The following DSCAM variants were observed in gnomAD, a reference collection of about 807,000 sequenced individuals.
The protein encoded by DSCAM is DS cell adhesion molecule.
In DSCAM, 47 loss-of-function variants were observed where a neutral mutation model predicts 217.7. The ratio of observed to expected loss-of-function variants is 0.22; its 90% CI spans 0.17 to 0.28. The LOEUF is 0.28. Ranked by LOEUF, DSCAM falls within the 10% of genes least tolerant of loss-of-function variation. The pLI is 1.00. For synonymous variants in DSCAM, 1,056 were observed against 1,015.3 expected (o/e 1.04, Z -0.76); for missense variants, 2,080 against 2,618.3 (o/e 0.79, Z 4.49).
intron 11 of DSCAM, among the ~76,000 whole-genome samples, chr21:40,255,374 A>T (rs978921630): frequency 1.3e-5 from 2 of 152,226 alleles, no homozygotes; most frequent in Non-Finnish European, 2.9e-5. Context: ...GAGTCTATAA[A>T]AGACTTAAAG....
rs140430835 is a variant in DSCAM at position 40,844,792 on chromosome 21, C to T, written c.43+1827G>A. ...ATCAGTATCATAAATTCTTCCATAC[C>T]ATTTTGTCATACAAAATGCTAAAAC... is the stretch of plus-strand genomic sequence containing the variant. On this transcript the variant is annotated intron_variant, in intron 1 of 32. Transcript: ENST00000400454. 5.2e-3 allele frequency among the ~76,000 whole-genome samples: 783 copies of T among 151,610 alleles called. 4 individuals are homozygous for T. Among genetic ancestry groups the T allele is most frequent in the Non-Finnish European group, 7.3e-3 (498 of 67,994 alleles).
intron 26 of DSCAM, among the ~76,000 whole-genome samples, chr21:40,078,173 C>T (rs896096703): frequency 2.0e-5 from 3 of 152,176 alleles, no homozygotes; most frequent in East Asian, 3.9e-4. Context: ...TGTGTGTGCA[C>T]GTGTTCATGG....
chr21:40,603,594 G>T (rs1568932373), intron 3 of DSCAM, among the ~76,000 whole-genome samples: 1 of 152,050 alleles, frequency 6.6e-6, no homozygotes, highest in Non-Finnish European at 1.5e-5. Flanking sequence ...AAATGTTAAA[G>T]GCAGGTTTAC....
chr21:40,077,625 C>T (rs2089385415), intron 26 of DSCAM, among the ~76,000 whole-genome samples: 1 of 152,188 alleles, frequency 6.6e-6, no homozygotes, highest in East Asian at 1.9e-4. Flanking sequence ...CATGGGCTGC[C>T]TCTGTCTAAT....
At chr21:40,170,793 C>T in intron 15 of DSCAM, among the ~76,000 whole-genome samples, 1 of 152,266 alleles carries the variant, frequency 6.6e-6, no homozygotes, top group Non-Finnish European at 1.5e-5. Context: ...TTACACTTAA[C>T]TGAATTTGAC....
chr21:40,811,011 T>C (rs1334439519), intron 1 of DSCAM, among the ~76,000 whole-genome samples: 1 of 152,184 alleles, frequency 6.6e-6, no homozygotes, highest in Non-Finnish European at 1.5e-5. Context: ...AGATACTCAG[T>C]GAAGGGCTAT....
intron 3 of DSCAM, among the ~76,000 whole-genome samples, chr21:40,433,546 G>T (rs576983309): frequency 1.4e-4 from 21 of 152,258 alleles, no homozygotes; most frequent in Admixed American, 1.1e-3. Flanking sequence ...GAAAACAAAA[G>T]CTTGGAGAGA....
chr21:40,743,570 G>A (rs1312066518), intron 1 of DSCAM, among the ~76,000 whole-genome samples: 1 of 151,968 alleles, frequency 6.6e-6, no homozygotes, highest in Non-Finnish European at 1.5e-5. Context: ...ATGCAGTGAG[G>A]ATCTGCTTAT....
At chr21:40,617,314 C>T (rs925686408) in intron 3 of DSCAM, among the ~76,000 whole-genome samples, 1 of 151,692 alleles carries the variant, frequency 6.6e-6, no homozygotes, top group Non-Finnish European at 1.5e-5. Context: ...TTAGTAGAGA[C>T]GGGGTTTCAC....
intron 3 of DSCAM, among the ~76,000 whole-genome samples, chr21:40,512,010 AGT>A (rs2076262794): frequency 9.4e-5 from 10 of 106,408 alleles, no homozygotes; most frequent in Admixed American, 2.1e-4. Context: ...AAAAAAAAAA[AGT>A]ATTCTATTTG....
In DSCAM at chr21:40,546,762, T is replaced by A. The variant is rs902612028; in HGVS notation, c.508+146048A>T. On this transcript the variant is annotated intron_variant, in intron 3 of 32. Transcript: ENST00000400454. ...TTGCTAAAGTTGGATTTATGTCTCA[T>A]TTAATATTTATTGGGATTAAGTCAC... Among the ~76,000 whole-genome samples the A allele has an allele frequency of 3.3e-5, 5 of 152,212 alleles. No homozygotes were observed. In the South Asian group the frequency reaches 1.0e-3, roughly 32 times the overall value.
At chr21:40,409,657 G>A (rs746678559) in intron 3 of DSCAM, among the ~76,000 whole-genome samples, 1 of 152,198 alleles carries the variant, frequency 6.6e-6, no homozygotes, top group South Asian at 2.1e-4. Flanking sequence ...ACAGAGGTGG[G>A]AATAGTTTGT....
At chr21:40,178,193 A>AC (rs140658157) in intron 15 of DSCAM, among the ~76,000 whole-genome samples, 2,313 of 150,672 alleles carry the variant, frequency 0.015, 60 homozygotes, top group African/African-American at 0.047. Flanking sequence ...TGTTAATTTC[A>AC]CCCCCCCGGA....
chr21:40,439,113 T>C (rs561664877), intron 3 of DSCAM, among the ~76,000 whole-genome samples: 1 of 152,306 alleles, frequency 6.6e-6, no homozygotes, highest in South Asian at 2.1e-4. Context: ...CCTCTCTGGG[T>C]CCTAGCTTAC....
intron 11 of DSCAM, among the ~76,000 whole-genome samples, chr21:40,264,480 G>GA (rs1269381071): frequency 6.6e-6 from 1 of 152,066 alleles, no homozygotes; most frequent in Non-Finnish European, 1.5e-5. Flanking sequence ...AATAGAGGCA[G>GA]AAAAAACATT....
At chr21:40,228,922 A>G (rs2091357318) in intron 11 of DSCAM, among the ~76,000 whole-genome samples, 1 of 152,116 alleles carries the variant, frequency 6.6e-6, no homozygotes, top group African/African-American at 2.4e-5. Flanking sequence ...ACATCTATGA[A>G]TATTCCTGTA....
At chr21:40,606,468 G>A (rs188711291) in intron 3 of DSCAM, among the ~76,000 whole-genome samples, 9 of 152,304 alleles carry the variant, frequency 5.9e-5, no homozygotes, top group African/African-American at 1.9e-4. Context: ...ACATTGCCCA[G>A]GTCAACAGTC....
intron 3 of DSCAM, among the ~76,000 whole-genome samples, chr21:40,673,664 C>T (rs879755104): frequency 3.3e-5 from 5 of 152,110 alleles, no homozygotes; most frequent in Non-Finnish European, 7.4e-5. Context: ...GTGGATTTCC[C>T]ATGAATAGTT....
chr21:40,300,029 A>G (rs1157462391), intron 9 of DSCAM, among the ~76,000 whole-genome samples: 1 of 151,968 alleles, frequency 6.6e-6, no homozygotes, highest in African/African-American at 2.4e-5. Flanking sequence ...CCTCAAGACA[A>G]TTCTTACTTT....
Sources: gnomAD v4.1 joint callset for allele counts (sites outside exome capture counted in the v4.1 genomes callset) on GRCh38, gnomAD v4.1.1 for gene constraint, MANE v1.5 for transcripts, NCBI Gene and HGNC (gene_info 2026-07-23, HGNC 2026-07-21) for gene names.